Variants in GET1 observed in about 807,000 individuals in gnomAD.
GET1 encodes the protein congenital heart disease 5 protein.
A neutral mutation model predicts 22.6 loss-of-function variants in GET1; 20 were observed. That is an observed-to-expected ratio of 0.89 (90% CI 0.62 to 1.29). The LOEUF (loss-of-function observed/expected upper bound fraction) is 1.29, where lower values mean the gene tolerates loss of function less well. GET1 is among the 50% of genes most tolerant of loss of function. The probability of loss-of-function intolerance (pLI) is 0.00; values close to 1 mark genes in which losing one functional copy is unlikely to be tolerated. For synonymous variants in GET1, 92 were observed against 83.8 expected (o/e 1.10, Z -0.53); for missense variants, 209 against 219.9 (o/e 0.95, Z 0.31).
At chr21:39,425,864 G>A (rs1484942570) in intron 1 of GET1, 1 of 152,246 alleles carries the variant, frequency 6.6e-6, no homozygotes, top group African/African-American at 2.4e-5. Flanking sequence ...CTCATGCCAT[G>A]CTCAAGTGAT....
intron 1 of GET1, among the ~76,000 whole-genome samples, chr21:39,412,978 AC>A (rs1393264619): frequency 2.0e-5 from 3 of 152,202 alleles, no homozygotes; most frequent in Admixed American, 2.0e-4. Context: ...CTCCCATAGC[AC>A]AGGCTTTGCA....
At chr21:39,414,738 CTCTCTGTGTGTGTGTG>C (rs1009472041) in intron 1 of GET1, among the ~76,000 whole-genome samples, 9 of 107,376 alleles carry the variant, frequency 8.4e-5, no homozygotes, top group Admixed American at 2.1e-4. Flanking sequence ...CTCTCTCTCT[CTCTCTGTGTGTGTGTG>C]TGTGTGTGTG....
chr21:39,416,449 ACGTTC>A (rs981730913), intron 1 of GET1, among the ~76,000 whole-genome samples: 1 of 152,156 alleles, frequency 6.6e-6, no homozygotes, highest in African/African-American at 2.4e-5. Context: ...GTATGACAAT[ACGTTC>A]CAGGTTCATC....
chr21:39,383,055 A>C (rs1415875091), intron 1 of GET1, among the ~76,000 whole-genome samples: 1 of 151,550 alleles, frequency 6.6e-6, no homozygotes, highest in Non-Finnish European at 1.5e-5. Flanking sequence ...GGTTCACACC[A>C]TTCTCCTGCC....
intron 4 of GET1, among the ~76,000 whole-genome samples, chr21:39,403,524 A>G (rs2038895452): frequency 7.0e-6 from 1 of 141,888 alleles, no homozygotes; most frequent in Non-Finnish European, 1.5e-5. Flanking sequence ...GACGGGGTTC[A>G]CCGTGTTAGC....
At position 39,390,645 on chromosome 21, in the gene GET1, C is replaced by A. The variant is rs535247160; in HGVS notation, c.103-53C>A. The A allele has an allele frequency of 1.0e-5, 16 of 1,600,056 alleles. No homozygotes were observed. The South Asian group carries it at 1.4e-4, about 14-fold the overall frequency. ...CAGAAAGTAGCGGGGGACTGGGGAACCCTCCTGTGACCCGTGTTGGAAGGT... is the reference window on the plus strand; with the variant it reads ...CAGAAAGTAGCGGGGGACTGGGGAAACCTCCTGTGACCCGTGTTGGAAGGT... On this transcript the variant is annotated intron_variant, in intron 1 of 4. Transcript: ENST00000649170.
chr21:39,427,530 T>C (rs373797392), intron 1 of GET1, among the ~76,000 whole-genome samples: 83 of 151,962 alleles, frequency 5.5e-4, no homozygotes, highest in African/African-American at 2.0e-3. Flanking sequence ...GGCGTGGTGG[T>C]GGGTGCCTGT....
intron 1 of GET1, among the ~76,000 whole-genome samples, chr21:39,425,660 T>C (rs2074550347): frequency 6.6e-6 from 1 of 152,160 alleles, no homozygotes; most frequent in African/African-American, 2.4e-5. Flanking sequence ...CCAGGCCGTA[T>C]GGATCAGGCT....
At chr21:39,388,247 A>G (rs961692112) in intron 1 of GET1, among the ~76,000 whole-genome samples, 1 of 152,156 alleles carries the variant, frequency 6.6e-6, no homozygotes, top group Non-Finnish European at 1.5e-5. Flanking sequence ...GCAGGCCTGT[A>G]GTCCCAGATG....
chr21:39,389,214 C>T (rs573295019), intron 1 of GET1, among the ~76,000 whole-genome samples: 3 of 152,276 alleles, frequency 2.0e-5, no homozygotes, highest in African/African-American at 7.2e-5. Context: ...TCAAGCGATT[C>T]ACCTGCCTTG....
At chr21:39,414,740 C>CTGTGTGTGTGTGTGTGTGTGTGTG (rs796818060) in intron 1 of GET1, among the ~76,000 whole-genome samples, 4 of 104,062 alleles carry the variant, frequency 3.8e-5, no homozygotes, top group African/African-American at 1.6e-4. Flanking sequence ...CTCTCTCTCT[C>CTGTGTGTGTGTGTGTGTGTGTGTG]TCTGTGTGTG....
At chr21:39,410,818 T>C (rs1416647332), downstream of GET1, 1 of 471,052 alleles carries the variant, frequency 2.1e-6, no homozygotes, top group Non-Finnish European at 4.4e-6. Context: ...AACCCCTCGG[T>C]TGATTCATTG....
At chr21:39,391,944 G>C in intron 3 of GET1, 108 bp downstream of exon 3, 1 of 1,021,254 alleles carries the variant, frequency 9.8e-7, no homozygotes, top group South Asian at 1.3e-5. Flanking sequence ...ACCTTCAGCT[G>C]TCGTGTCGTG....
At chr21:39,405,850 C>A in intron 4 of GET1, 1 of 1,458,126 alleles carries the variant, frequency 6.9e-7, no homozygotes, top group South Asian at 1.3e-5. Flanking sequence ...AGCATTATAT[C>A]AAACCAGAAT....
At chr21:39,425,162 T>C (rs2147809444) in intron 1 of GET1, among the ~76,000 whole-genome samples, 1 of 152,356 alleles carries the variant, frequency 6.6e-6, no homozygotes, top group East Asian at 1.9e-4. Context: ...TCTAAAAATG[T>C]CTGATCCTCA....
downstream of GET1, among the ~76,000 whole-genome samples, chr21:39,401,558 A>T (rs2038838981): frequency 6.6e-6 from 1 of 152,204 alleles, no homozygotes; most frequent in South Asian, 2.1e-4. Flanking sequence ...GTTGTATCAC[A>T]TACTTGAATC....
rs575629511 is a variant in GET1 at position 39,383,264 on chromosome 21, T to A, written c.102+2778T>A. Among the ~76,000 whole-genome samples the A allele has an allele frequency of 2.1e-3, 322 of 149,902 alleles. 1 individual carries two copies. The highest frequency in any genetic ancestry group is 7.7e-3 in the African/African-American group (314 of 40,754). ...CCACCGCGCCCAGCCTATTTTTTTTTTTATTATTTATTTTATTTTGTTTAT... is the reference window on the plus strand; with the variant it reads ...CCACCGCGCCCAGCCTATTTTTTTTATTATTATTTATTTTATTTTGTTTAT... On this transcript the variant is annotated intron_variant, in intron 1 of 4. Transcript: ENST00000649170.
downstream of GET1, among the ~76,000 whole-genome samples, chr21:39,402,715 C>G (rs539188792): frequency 1.3e-5 from 2 of 152,298 alleles, no homozygotes; most frequent in South Asian, 4.1e-4. Context: ...AGTACCTTCT[C>G]TCTCAGAGCT....
chr21:39,422,648 G>A lies in GET1; in HGVS notation c.*24-5584G>A, dbSNP rs2073958848. ...AAAGAGAGGTTTCACGTAACACAAT[G>A]CAATCTTTTCAGCACAGGGAAAAAG... is the stretch of plus-strand genomic sequence containing the variant. On this transcript the variant is annotated intron_variant, in intron 1 of 1. Coordinates refer to the GET1 transcript ENST00000478273. 1.2e-5 allele frequency: 5 copies of A among 410,094 alleles called. No homozygotes were observed. The East Asian group carries it at 1.8e-4, about 15-fold the overall frequency. 25.4% of individuals were successfully genotyped at this position (410,094 alleles called of 1,614,324 possible). A position where few individuals can be genotyped will look rare whatever the true frequency, so the allele number is the denominator to read the frequency against.
Sources: allele counts gnomAD v4.1 joint callset (sites outside exome capture counted in the v4.1 genomes callset), GRCh38; gene constraint gnomAD v4.1.1; transcripts MANE v1.5; gene names NCBI Gene and HGNC (gene_info 2026-07-23, HGNC 2026-07-21).